The following AKR1E2 variants were observed in gnomAD, a reference collection of about 807,000 sequenced individuals.
The protein encoded by AKR1E2 is aldo-keto reductase family 1 member E2, also known as 1,5-anhydro-D-fructose reductase.
AKR1E2 carries 43 observed loss-of-function variants against 41.9 expected under a neutral mutation model. The ratio of observed to expected loss-of-function variants is 1.03; its 90% CI spans 0.80 to 1.32. AKR1E2 has a LOEUF of 1.32. AKR1E2 is among the 40% of genes most tolerant of loss of function. AKR1E2 has a pLI of 0.00. For synonymous variants in AKR1E2, 121 were observed against 138.9 expected (o/e 0.87, Z 0.91); for missense variants, 423 against 396.5 (o/e 1.07, Z -0.57).
chr10:4,851,374 C>G (rs1834524250), downstream of AKR1E2, among the ~76,000 whole-genome samples: 1 of 152,162 alleles, frequency 6.6e-6, no homozygotes, highest in African/African-American at 2.4e-5. Context: ...GCAGAGAGGG[C>G]TAATGGGCGT....
At chr10:4,846,644 C>T (rs1834358725) in intron 8 of AKR1E2, among the ~76,000 whole-genome samples, 1 of 151,638 alleles carries the variant, frequency 6.6e-6, no homozygotes, top group African/African-American at 2.4e-5. Context: ...CTCCTGGGTT[C>T]AAGCGGTTCT....
the AKR1E2 span, among the ~76,000 whole-genome samples, chr10:4,860,829 A>G: frequency 6.6e-6 from 1 of 152,170 alleles, no homozygotes; most frequent in Admixed American, 6.5e-5. Context: ...TTTTTGACCT[A>G]GAAATGTGAA....
the AKR1E2 span, among the ~76,000 whole-genome samples, chr10:4,858,936 G>T: frequency 6.7e-6 from 1 of 148,364 alleles, no homozygotes; most frequent in Non-Finnish European, 1.5e-5. Flanking sequence ...TGATTCTCCT[G>T]CCTCAGCCTC....
chr10:4,846,169 TTCTCCTGCCC>T, intron 8 of AKR1E2: 1 of 261,706 alleles, frequency 3.8e-6, no homozygotes, highest in Non-Finnish European at 7.7e-6. Context: ...TGAGGCTACT[TTCTCCTGCCC>T]TCAGGAGGGG....
At chr10:4,844,051 A>G (rs749821341) in intron 8 of AKR1E2, among the ~76,000 whole-genome samples, 3 of 152,204 alleles carry the variant, frequency 2.0e-5, no homozygotes, top group South Asian at 2.1e-4. Context: ...TGTGTCCGGA[A>G]TTGGTGGGTT....
At chr10:4,833,564 G>A in intron 3 of AKR1E2, 98 bp downstream of exon 3, 1 of 1,037,076 alleles carries the variant, frequency 9.6e-7, no homozygotes, top group South Asian at 1.4e-5. Context: ...CCAGCATTCA[G>A]GGCAGGGGTT....
In AKR1E2 at chr10:4,842,540, G is replaced by A. The variant is rs1172957241; in HGVS notation, c.837+36G>A. The A allele has an allele frequency of 1.9e-6, 3 of 1,595,032 alleles. No homozygotes were observed. In the East Asian group the frequency reaches 6.7e-5, roughly 36 times the overall value. Reference sequence around the variant, plus strand: ...TCCTTCTTTTATTTGGCGGGTTTCAGATCATGTGTTAGATGGGAAGGGATG... The same window carrying A: ...TCCTTCTTTTATTTGGCGGGTTTCAAATCATGTGTTAGATGGGAAGGGATG... On this transcript the variant is annotated intron_variant, in intron 8 of 9. Coordinates refer to ENST00000298375, the MANE Select transcript of AKR1E2 (RefSeq NM_001040177.3).
chr10:4,861,669 A>T, the AKR1E2 span, among the ~76,000 whole-genome samples: 1 of 152,156 alleles, frequency 6.6e-6, no homozygotes, highest in Admixed American at 6.6e-5. Context: ...GCGCCTGGCC[A>T]ATATGTCTTT....
At chr10:4,846,322 T>G (rs957786978) in intron 8 of AKR1E2, 2 of 173,242 alleles carry the variant, frequency 1.2e-5, no homozygotes, top group Admixed American at 1.1e-4. Flanking sequence ...CCATGGGTCC[T>G]GTTCCTCAGT....
chr10:4,849,603 G>T (rs1172718832), downstream of AKR1E2, among the ~76,000 whole-genome samples: 1 of 152,206 alleles, frequency 6.6e-6, no homozygotes, highest in African/African-American at 2.4e-5. Context: ...GTTACCAGAG[G>T]CTGGGGAGGG....
intron 3 of AKR1E2, among the ~76,000 whole-genome samples, 168 bp downstream of exon 3, chr10:4,833,634 G>C (rs1316698257): frequency 2.0e-5 from 3 of 152,156 alleles, no homozygotes; most frequent in African/African-American, 4.8e-5. Flanking sequence ...TGATATCTCT[G>C]GGCCTCAGTT....
upstream of AKR1E2, among the ~76,000 whole-genome samples, chr10:4,825,609 A>G (rs552823272): frequency 1.1e-3 from 170 of 152,284 alleles, no homozygotes; most frequent in Middle Eastern, 0.014. Flanking sequence ...AGGGAGTGGA[A>G]GGCATTTTCC....
the AKR1E2 span, among the ~76,000 whole-genome samples, chr10:4,867,676 C>A: frequency 6.6e-6 from 1 of 152,162 alleles, no homozygotes; most frequent in Admixed American, 6.5e-5. Flanking sequence ...GCCATTCATC[C>A]GTTGAAGAAC....
the AKR1E2 span, among the ~76,000 whole-genome samples, chr10:4,862,112 G>T: frequency 5.0e-3 from 762 of 152,304 alleles, 9 homozygotes; most frequent in African/African-American, 0.018. Context: ...TTTGTATAAG[G>T]TGTAAGGAAG....
chr10:4,828,460 C>T (rs1252777349), intron 1 of AKR1E2, among the ~76,000 whole-genome samples: 2 of 152,184 alleles, frequency 1.3e-5, no homozygotes, highest in Admixed American at 1.3e-4. Flanking sequence ...GGGCAGGTCA[C>T]CTCTCCCTGC....
chr10:4,859,774 C>T, the AKR1E2 span, among the ~76,000 whole-genome samples: 1 of 152,192 alleles, frequency 6.6e-6, no homozygotes, highest in South Asian at 2.1e-4. Flanking sequence ...GAATGGCTTA[C>T]GTTACATGAG....
chr10:4,871,726 G>A, the AKR1E2 span, among the ~76,000 whole-genome samples: 1 of 152,098 alleles, frequency 6.6e-6, no homozygotes, highest in Non-Finnish European at 1.5e-5. Context: ...CGGGAATCAA[G>A]AGAAAACTAG....
chr10:4,826,392 C>A, intron 1 of AKR1E2, 29 bp downstream of exon 1: 1 of 1,232,816 alleles, frequency 8.1e-7, no homozygotes, highest in Non-Finnish European at 1.0e-6. Flanking sequence ...GGGAGGCGCG[C>A]CTGACCTAGG....
intron 5 of AKR1E2, among the ~76,000 whole-genome samples, chr10:4,839,081 A>G (rs1446656425): frequency 6.6e-6 from 1 of 152,198 alleles, no homozygotes; most frequent in African/African-American, 2.4e-5. Flanking sequence ...AAATCTCCTT[A>G]TAACCTGGAA....
Sources: allele counts gnomAD v4.1 joint callset (sites outside exome capture counted in the v4.1 genomes callset), GRCh38; gene constraint gnomAD v4.1.1; transcripts MANE v1.5; gene names NCBI Gene and HGNC (gene_info 2026-07-23, HGNC 2026-07-21).